RGL1: variants seen among roughly 807,000 people sequenced by gnomAD.
RGL1 encodes the protein ral guanine nucleotide dissociation stimulator-like 1.
A neutral mutation model predicts 95.2 loss-of-function variants in RGL1; 24 were observed. That is an observed-to-expected ratio of 0.25 (90% CI 0.18 to 0.35). The LOEUF (loss-of-function observed/expected upper bound fraction) is 0.35, where lower values mean the gene tolerates loss of function less well. RGL1 is among the 10% of genes least tolerant of loss of function. RGL1 has a pLI of 1.00. For missense variants in RGL1, 715 were observed against 936.3 expected (o/e 0.76, Z 3.08); for synonymous variants, 329 against 344.9 (o/e 0.95, Z 0.51).
intron 2 of RGL1, among the ~76,000 whole-genome samples, chr1:183,843,504 G>A (rs1255009065): frequency 2.0e-5 from 3 of 152,190 alleles, no homozygotes; most frequent in Non-Finnish European, 4.4e-5. Flanking sequence ...CTTTCTGGCA[G>A]GAAATGGGAC....
At chr1:183,695,883 A>G (rs76760067) in intron 1 of RGL1, among the ~76,000 whole-genome samples, 42 of 149,480 alleles carry the variant, frequency 2.8e-4, no homozygotes, top group Non-Finnish European at 4.9e-4. Context: ...TCCCCCACTG[A>G]AAAAAAAAAC....
intron 1 of RGL1, among the ~76,000 whole-genome samples, chr1:183,684,522 G>A (rs1298688233): frequency 6.6e-6 from 1 of 152,176 alleles, no homozygotes; most frequent in East Asian, 1.9e-4. Context: ...TAGCTTTCTG[G>A]GCTTCATGGG....
At chr1:183,650,339 G>A (rs1392243540) in intron 1 of RGL1, among the ~76,000 whole-genome samples, 3 of 152,056 alleles carry the variant, frequency 2.0e-5, no homozygotes, top group Non-Finnish European at 4.4e-5. Flanking sequence ...GTCAGGAGAT[G>A]GAGACAATCC....
intron 1 of RGL1, among the ~76,000 whole-genome samples, chr1:183,696,656 C>T (rs1483769469): frequency 1.3e-5 from 2 of 152,190 alleles, no homozygotes; most frequent in Non-Finnish European, 2.9e-5. Flanking sequence ...TTGATGCAAC[C>T]TCTTGTAAAT....
At chr1:183,844,295 A>G (rs758617414) in intron 2 of RGL1, among the ~76,000 whole-genome samples, 1 of 152,240 alleles carries the variant, frequency 6.6e-6, no homozygotes, top group African/African-American at 2.4e-5. Context: ...ATTATATTTT[A>G]TAATGTTTTG....
chr1:183,671,001 T>G (rs115734837), intron 1 of RGL1, among the ~76,000 whole-genome samples: 557 of 152,250 alleles, frequency 3.7e-3, no homozygotes, highest in Non-Finnish European at 5.6e-3. Flanking sequence ...CTGGGGAGAC[T>G]TCAGGAAATT....
At chr1:183,726,090 G>C (rs1197340224) in intron 1 of RGL1, among the ~76,000 whole-genome samples, 1 of 152,088 alleles carries the variant, frequency 6.6e-6, no homozygotes, top group Non-Finnish European at 1.5e-5. Context: ...AAAAAGGAAA[G>C]TAGAAAATAT....
intron 4 of RGL1, among the ~76,000 whole-genome samples, chr1:183,872,211 G>T (rs1666222157): frequency 6.6e-6 from 1 of 152,176 alleles, no homozygotes; most frequent in South Asian, 2.1e-4. Flanking sequence ...TATAGTCATT[G>T]AATTCAGAAA....
chr1:183,866,259 A>G (rs9425324), intron 4 of RGL1, among the ~76,000 whole-genome samples, 186 bp downstream of exon 4: 49,731 of 152,128 alleles, frequency 0.33, 9,423 homozygotes, highest in Non-Finnish European at 0.43. Context: ...TTAAGTAACC[A>G]CTGTCTGCCA....
intron 1 of RGL1, among the ~76,000 whole-genome samples, chr1:183,683,024 G>A (rs1435394439): frequency 1.3e-5 from 2 of 151,634 alleles, no homozygotes; most frequent in African/African-American, 2.4e-5. Flanking sequence ...CATTTGCTTG[G>A]TATATATTTC....
intron 2 of RGL1, among the ~76,000 whole-genome samples, chr1:183,818,610 G>A (rs1662243700): frequency 1.3e-5 from 2 of 151,832 alleles, no homozygotes; most frequent in African/African-American, 2.4e-5. Context: ...GTTTCTCTTT[G>A]CCCTATTCGT....
At chr1:183,840,090 G>T (rs193059733) in intron 2 of RGL1, among the ~76,000 whole-genome samples, 6 of 152,286 alleles carry the variant, frequency 3.9e-5, no homozygotes, top group Admixed American at 3.9e-4. Context: ...ACCCAGCAAG[G>T]CCTGTCTGTT....
At chr1:183,812,119 T>C (rs1257033104) in intron 2 of RGL1, among the ~76,000 whole-genome samples, 1 of 152,248 alleles carries the variant, frequency 6.6e-6, no homozygotes, top group Non-Finnish European at 1.5e-5. Flanking sequence ...GTCTTACGTA[T>C]TTTATGTTAA....
intron 2 of RGL1, among the ~76,000 whole-genome samples, chr1:183,765,803 G>C (rs77771338): frequency 2.0e-5 from 3 of 152,128 alleles, no homozygotes; most frequent in Non-Finnish European, 4.4e-5. Flanking sequence ...AAAAATCTTA[G>C]GATAGCTATA....
chr1:183,752,240 T>G (rs1258696300), intron 2 of RGL1, among the ~76,000 whole-genome samples: 1 of 151,984 alleles, frequency 6.6e-6, no homozygotes, highest in Admixed American at 6.5e-5. Context: ...TTAATTTTTT[T>G]TTTTTGAGAT....
At chr1:183,885,874 G>A (rs1667078768) in intron 7 of RGL1, among the ~76,000 whole-genome samples, 1 of 152,082 alleles carries the variant, frequency 6.6e-6, no homozygotes, top group East Asian at 1.9e-4. Flanking sequence ...ATCAAGGAAG[G>A]TTTCATGGAT....
intron 14 of RGL1, among the ~76,000 whole-genome samples, chr1:183,909,657 C>T (rs1163866512): frequency 3.3e-5 from 5 of 152,008 alleles, no homozygotes; most frequent in Non-Finnish European, 5.9e-5. Context: ...CAAAAATATG[C>T]TTGAGCTCTT....
intron 1 of RGL1, among the ~76,000 whole-genome samples, chr1:183,733,766 C>A (rs1202833382): frequency 6.6e-6 from 1 of 152,162 alleles, no homozygotes; most frequent in Non-Finnish European, 1.5e-5. Flanking sequence ...CTAACTAGAT[C>A]ATTATTATGT....
At chr1:183,856,187 G>A (rs1474548886) in intron 3 of RGL1, among the ~76,000 whole-genome samples, 4 of 152,040 alleles carry the variant, frequency 2.6e-5, no homozygotes, top group Admixed American at 6.6e-5. Flanking sequence ...TAAGATTTTT[G>A]TTAGAACAGA....
Sources: gnomAD v4.1 joint callset for allele counts (sites outside exome capture counted in the v4.1 genomes callset) on GRCh38, gnomAD v4.1.1 for gene constraint, MANE v1.5 for transcripts, NCBI Gene and HGNC (gene_info 2026-07-23, HGNC 2026-07-21) for gene names.